Variants in KHDRBS2 observed in about 807,000 individuals in gnomAD.
KHDRBS2 encodes the protein KH RNA binding domain containing, signal transduction associated 2, also known as KH domain-containing, RNA-binding, signal transduction-associated protein 2.
Under a neutral mutation model 44.3 loss-of-function variants are expected in KHDRBS2, and 26 were observed. The ratio of observed to expected loss-of-function variants is 0.59; its 90% CI spans 0.43 to 0.81. KHDRBS2 has a LOEUF of 0.81. Among genes scored for constraint, KHDRBS2 ranks in the 40% least tolerant of loss-of-function variants. The pLI is 0.00. For missense variants in KHDRBS2, 476 were observed against 433.1 expected (o/e 1.10, Z -0.88); for synonymous variants, 194 against 151.1 (o/e 1.28, Z -2.08).
chr6:62,246,105 T>TATATATA (rs1554500871), intron 1 of KHDRBS2, among the ~76,000 whole-genome samples: 11 of 27,370 alleles, frequency 4.0e-4, no homozygotes, highest in African/African-American at 1.6e-3. Context: ...ATCAATTTTA[T>TATATATA]ATATATATAT....
intron 2 of KHDRBS2, 63 bp from the exon 3 acceptor site, chr6:62,048,057 G>A (rs764871653): frequency 1.5e-4 from 148 of 955,118 alleles, no homozygotes; most frequent in Non-Finnish European, 2.5e-4. Context: ...TTTGCACCAA[G>A]AGTAATTGAT....
At chr6:61,831,436 C>A (rs907313779) in intron 6 of KHDRBS2, among the ~76,000 whole-genome samples, 2 of 151,878 alleles carry the variant, frequency 1.3e-5, no homozygotes, top group Non-Finnish European at 2.9e-5. Context: ...ATATTTCTAT[C>A]AATATTATTA....
In KHDRBS2 at chr6:61,945,098, AAAAAAAAAAAAAAAGT is replaced by A. The variant is rs1238505812; in HGVS notation, c.483+32952_483+32967del. Among the ~76,000 whole-genome samples the A allele has an allele frequency of 2.2e-3, 99 of 45,814 alleles. 6 individuals are homozygous for A. Among genetic ancestry groups the A allele is most frequent in the African/African-American group, 7.6e-3 (99 of 13,032 alleles). The allele number at this position is 45,814 out of a possible 152,430, so 30.1% of individuals were successfully genotyped here. On this transcript the variant is annotated intron_variant, in intron 4 of 8. Coordinates refer to ENST00000281156, the MANE Select transcript of KHDRBS2 (RefSeq NM_152688.4). ...AGAGTGAGACTCTGTCTTAAAAAAA[AAAAAAAAAAAAAAAGT>A]ATATATATATATATATATATATATA...
chr6:62,010,942 A>G (rs771335941), intron 3 of KHDRBS2, among the ~76,000 whole-genome samples: 12 of 152,100 alleles, frequency 7.9e-5, no homozygotes, highest in African/African-American at 1.7e-4. Context: ...CTCCTGTATT[A>G]AAAAAATAAA....
chr6:61,714,879 C>A (rs1405477605), intron 7 of KHDRBS2, among the ~76,000 whole-genome samples: 1 of 151,652 alleles, frequency 6.6e-6, no homozygotes, highest in Non-Finnish European at 1.5e-5. Flanking sequence ...GAATGGCAGA[C>A]AATGGAGACT....
rs1446503612 is a variant in KHDRBS2 at position 62,243,649 on chromosome 6, C to T, written c.91+42209G>A. ...TATACTAAGAACAAAGGTAAATAAC[C>T]GCTAGAAAACAGAATTGCTGTAATA... On this transcript the variant is annotated intron_variant, in intron 1 of 8. Transcript: ENST00000281156. 2.6e-5 allele frequency among the ~76,000 whole-genome samples: 4 copies of T among 151,606 alleles called. No individual in the cohort carries two copies. In the South Asian group the frequency reaches 8.3e-4, roughly 32 times the overall value.
At chr6:61,670,872 T>A in the KHDRBS2 span, among the ~76,000 whole-genome samples, 1 of 151,682 alleles carries the variant, frequency 6.6e-6, no homozygotes, top group Non-Finnish European at 1.5e-5. Flanking sequence ...AATGGACACG[T>A]ATTGGTTTCA....
At chr6:62,081,351 T>A (rs188410587) in intron 2 of KHDRBS2, among the ~76,000 whole-genome samples, 155 of 152,246 alleles carry the variant, frequency 1.0e-3, no homozygotes, top group African/African-American at 3.7e-3. Context: ...GAAAGTAAAG[T>A]GTTATACTTG....
the KHDRBS2 span, among the ~76,000 whole-genome samples, chr6:61,633,395 T>G: frequency 3.3e-5 from 5 of 152,126 alleles, no homozygotes; most frequent in Non-Finnish European, 5.9e-5. Context: ...TGTGAGGATA[T>G]TGAACAATTT....
intron 2 of KHDRBS2, among the ~76,000 whole-genome samples, chr6:62,088,648 G>T (rs78126128): frequency 1.3e-5 from 2 of 152,266 alleles, no homozygotes; most frequent in South Asian, 4.1e-4. Flanking sequence ...ACCACTGCTG[G>T]GAAGTGTCTT....
At chr6:62,270,855 G>T (rs939674541) in intron 1 of KHDRBS2, among the ~76,000 whole-genome samples, 2 of 152,056 alleles carry the variant, frequency 1.3e-5, no homozygotes, top group African/African-American at 4.8e-5. Flanking sequence ...TCATAGATGA[G>T]GAAAGAAAGG....
intron 6 of KHDRBS2, among the ~76,000 whole-genome samples, chr6:61,796,383 G>A (rs1785354127): frequency 6.6e-6 from 1 of 151,766 alleles, no homozygotes; most frequent in South Asian, 2.1e-4. Flanking sequence ...GTGCCCTATA[G>A]CATTCAACAT....
At chr6:61,564,050 G>T in the KHDRBS2 span, among the ~76,000 whole-genome samples, 1 of 152,042 alleles carries the variant, frequency 6.6e-6, no homozygotes, top group Non-Finnish European at 1.5e-5. Context: ...GTATCTCTGT[G>T]ATTACTGCCA....
At chr6:61,585,785 T>G in the KHDRBS2 span, among the ~76,000 whole-genome samples, 5 of 152,172 alleles carry the variant, frequency 3.3e-5, no homozygotes, top group Non-Finnish European at 7.4e-5. Context: ...TTGCTTCAGG[T>G]TGATACCAAG....
chr6:61,705,342 C>T (rs1215398337), intron 7 of KHDRBS2, among the ~76,000 whole-genome samples: 2 of 151,720 alleles, frequency 1.3e-5, no homozygotes, highest in African/African-American at 2.4e-5. Context: ...TCTTCTACTT[C>T]TTCTCCCCTC....
the KHDRBS2 span, among the ~76,000 whole-genome samples, chr6:61,647,932 T>C: frequency 1.8e-3 from 272 of 152,188 alleles, no homozygotes; most frequent in Non-Finnish European, 3.0e-3. Flanking sequence ...TGAACAAGTA[T>C]CTTGGTAAAA....
intron 2 of KHDRBS2, among the ~76,000 whole-genome samples, chr6:62,048,299 C>A (rs548184954): frequency 3.3e-5 from 5 of 151,860 alleles, no homozygotes; most frequent in African/African-American, 1.2e-4. Flanking sequence ...AGGAAAGAAA[C>A]TAAGGACAAT....
rs147807662 is a variant in KHDRBS2 at position 61,722,699 on chromosome 6, C to T, written c.893+9983G>A. 8.5e-3 allele frequency among the ~76,000 whole-genome samples: 1,263 copies of T among 149,134 alleles called. 17 individuals are homozygous for T. Among genetic ancestry groups the T allele is most frequent in the African/African-American group, 0.029 (1,182 of 40,954 alleles). On this transcript the variant is annotated intron_variant, in intron 7 of 8. Coordinates refer to ENST00000281156, the MANE Select transcript of KHDRBS2 (RefSeq NM_152688.4). ...TGTTTGTAAATGCTGGAGGATGATT[C>T]TAATTATATATTTCTATTTTTTTTT...
chr6:61,873,973 CTTTATGAATAT>C (rs747239371), intron 6 of KHDRBS2, among the ~76,000 whole-genome samples: 290 of 151,962 alleles, frequency 1.9e-3, no homozygotes, highest in Non-Finnish European at 2.9e-3. Context: ...AATCTGTGTA[CTTTATGAATAT>C]TTTATGAATA....
Sources: allele counts gnomAD v4.1 joint callset (sites outside exome capture counted in the v4.1 genomes callset), GRCh38; gene constraint gnomAD v4.1.1; transcripts MANE v1.5; gene names NCBI Gene and HGNC (gene_info 2026-07-23, HGNC 2026-07-21).